The following CDH13 variants were observed in gnomAD, a reference collection of about 807,000 sequenced individuals.
CDH13 encodes cadherin 13.
A neutral mutation model predicts 63.8 loss-of-function variants in CDH13; 24 were observed. The observed-to-expected ratio is 0.38, with a 90% CI of 0.27 to 0.53. The LOEUF (loss-of-function observed/expected upper bound fraction) is 0.53, where lower values mean the gene tolerates loss of function less well. Among genes scored for constraint, CDH13 ranks in the 20% least tolerant of loss-of-function variants. The pLI is 0.85. For synonymous variants in CDH13, 503 were observed against 355.3 expected (o/e 1.42, Z -4.67); for missense variants, 1,049 against 903.1 (o/e 1.16, Z -2.07).
At chr16:83,008,329 C>T (rs945365721) in intron 2 of CDH13, among the ~76,000 whole-genome samples, 1 of 151,978 alleles carries the variant, frequency 6.6e-6, no homozygotes. Flanking sequence ...TGAGTAGATG[C>T]CAGAAGGAAG....
intron 5 of CDH13, among the ~76,000 whole-genome samples, chr16:83,324,786 A>G (rs2090322520): frequency 6.6e-6 from 1 of 152,172 alleles, no homozygotes; most frequent in Non-Finnish European, 1.5e-5. Context: ...GCTGCATCAT[A>G]TCATATGCTC....
chr16:82,647,635 T>C (rs765200300), intron 1 of CDH13, among the ~76,000 whole-genome samples: 1 of 152,162 alleles, frequency 6.6e-6, no homozygotes, highest in Non-Finnish European at 1.5e-5. Flanking sequence ...CTGGTTGGCA[T>C]TGATTCAAAG....
At chr16:83,018,070 G>A (rs1914976108) in intron 2 of CDH13, among the ~76,000 whole-genome samples, 1 of 152,292 alleles carries the variant, frequency 6.6e-6, no homozygotes, top group East Asian at 1.9e-4. Flanking sequence ...GAAATATGAT[G>A]GGCCAGTGAA....
chr16:83,435,001 A>G (rs12926935), intron 6 of CDH13, among the ~76,000 whole-genome samples: 3 of 143,570 alleles, frequency 2.1e-5, no homozygotes, highest in Middle Eastern at 3.8e-3. Flanking sequence ...ATATATATGT[A>G]TATATATACA....
chr16:83,580,722 C>G (rs1263666487), intron 7 of CDH13, among the ~76,000 whole-genome samples: 2 of 152,034 alleles, frequency 1.3e-5, no homozygotes, highest in African/African-American at 2.4e-5. Context: ...GTCTTGAACT[C>G]CTGAGCTCAG....
chr16:83,510,748 G>C (rs1455314114), intron 7 of CDH13, among the ~76,000 whole-genome samples: 1 of 152,150 alleles, frequency 6.6e-6, no homozygotes, highest in Non-Finnish European at 1.5e-5. Context: ...GGGGGTTTGG[G>C]TTTCTTTCAC....
chr16:83,355,382 C>G (rs1406243189), intron 6 of CDH13, among the ~76,000 whole-genome samples: 1 of 152,188 alleles, frequency 6.6e-6, no homozygotes, highest in Non-Finnish European at 1.5e-5. Context: ...AAACCAGAAT[C>G]TACCTTCAGT....
chr16:83,410,062 C>T (rs1401677644), intron 6 of CDH13, among the ~76,000 whole-genome samples: 1 of 152,108 alleles, frequency 6.6e-6, no homozygotes, highest in African/African-American at 2.4e-5. Flanking sequence ...GAAAAGGTCC[C>T]TGAGAGTTCG....
chr16:82,681,375 G>A (rs1337663982), intron 1 of CDH13, among the ~76,000 whole-genome samples: 1 of 152,288 alleles, frequency 6.6e-6, no homozygotes. Context: ...GCTGCTACTG[G>A]GTACAGGATT....
At chr16:82,986,831 A>AT (rs1415760978) in intron 2 of CDH13, among the ~76,000 whole-genome samples, 3 of 152,240 alleles carry the variant, frequency 2.0e-5, no homozygotes, top group African/African-American at 7.2e-5. Flanking sequence ...TCATTCTGTC[A>AT]TACCTGGAAC....
At chr16:83,441,322 A>G (rs77788218) in intron 6 of CDH13, among the ~76,000 whole-genome samples, 1,813 of 152,334 alleles carry the variant, frequency 0.012, 35 homozygotes, top group African/African-American at 0.041. Flanking sequence ...TGACAATTCA[A>G]TTACTTGGGA....
chr16:82,757,812 A>C (rs2034674701), intron 1 of CDH13, among the ~76,000 whole-genome samples: 1 of 151,966 alleles, frequency 6.6e-6, no homozygotes, highest in South Asian at 2.1e-4. Flanking sequence ...CAGCTAGGCC[A>C]GCTAATTTTT....
At chr16:83,737,158 C>T (rs1213638052) in intron 10 of CDH13, among the ~76,000 whole-genome samples, 1 of 152,206 alleles carries the variant, frequency 6.6e-6, no homozygotes, top group African/African-American at 2.4e-5. Flanking sequence ...GGCCCCACCC[C>T]TTTCCTGCCC....
intron 3 of CDH13, among the ~76,000 whole-genome samples, chr16:83,055,869 T>G (rs1330134003): frequency 6.6e-6 from 1 of 152,122 alleles, no homozygotes; most frequent in Non-Finnish European, 1.5e-5. Context: ...TCAATAAAAG[T>G]AAAAACCTGT....
At chr16:83,390,711 C>T (rs1306040571) in intron 6 of CDH13, among the ~76,000 whole-genome samples, 2 of 152,178 alleles carry the variant, frequency 1.3e-5, no homozygotes, top group Admixed American at 6.5e-5. Flanking sequence ...GTTAAGAAAA[C>T]TCAATTCACG....
At chr16:82,781,549 TTATC>T (rs1029768873) in intron 1 of CDH13, among the ~76,000 whole-genome samples, 1 of 151,898 alleles carries the variant, frequency 6.6e-6, no homozygotes, top group African/African-American at 2.4e-5. Flanking sequence ...ACCCAGCTAT[TTATC>T]TATCATCCAT....
At chr16:83,475,915 T>A (rs896421948) in intron 6 of CDH13, among the ~76,000 whole-genome samples, 1 of 152,144 alleles carries the variant, frequency 6.6e-6, no homozygotes, top group Non-Finnish European at 1.5e-5. Flanking sequence ...AGCAAATTGC[T>A]GCGCCTTTGC....
chr16:83,106,495 C>T (rs1028127303), intron 3 of CDH13, among the ~76,000 whole-genome samples: 1 of 152,156 alleles, frequency 6.6e-6, no homozygotes, highest in African/African-American at 2.4e-5. Flanking sequence ...GGGCCGAGAT[C>T]ACGCCATTGC....
rs147723742 is a variant in CDH13 at position 82,628,445 on chromosome 16, A to G, written c.45+1308A>G. Among the ~76,000 whole-genome samples the G allele has an allele frequency of 2.6e-3, 403 of 152,226 alleles. 2 individuals are homozygous for G. Among genetic ancestry groups the G allele is most frequent in the African/African-American group, 9.4e-3 (392 of 41,540 alleles). On this transcript the variant is annotated intron_variant, in intron 1 of 13. Coordinates refer to ENST00000567109, the MANE Select transcript of CDH13 (RefSeq NM_001257.5). ...GATGGGGAGACTGGTGCAGACTTCTAAGGGAGACCACTGTTAGAGCAATGT... is the reference window on the plus strand; with the variant it reads ...GATGGGGAGACTGGTGCAGACTTCTGAGGGAGACCACTGTTAGAGCAATGT...
Sources: gnomAD v4.1 joint callset for allele counts (sites outside exome capture counted in the v4.1 genomes callset) on GRCh38, gnomAD v4.1.1 for gene constraint, MANE v1.5 for transcripts, NCBI Gene and HGNC (gene_info 2026-07-23, HGNC 2026-07-21) for gene names.